SANBR: variants seen among roughly 807,000 people sequenced by gnomAD.
SANBR encodes SANT and BTB domain regulator of class switch recombination.
In SANBR, 77 loss-of-function variants were observed where a neutral mutation model predicts 101.8. The ratio of observed to expected loss-of-function variants is 0.76; its 90% CI spans 0.63 to 0.91. SANBR has a LOEUF of 0.91. Among genes scored for constraint, SANBR ranks in the 40% least tolerant of loss-of-function variants. SANBR has a pLI of 0.00. For missense variants in SANBR, 875 were observed against 853.0 expected, an observed-to-expected ratio of 1.03 and a Z score of -0.32; for synonymous variants, 279 against 274.7, an observed-to-expected ratio of 1.02 and a Z score of -0.15.
At chr2:61,075,154 A>G (rs1681700964) in intron 5 of SANBR, 1 of 152,322 alleles carries the variant, frequency 6.6e-6, no homozygotes, top group South Asian at 2.1e-4. Context: ...ACACAATTCA[A>G]TTAAATTCAT....
intron 6 of SANBR, among the ~76,000 whole-genome samples, chr2:61,079,661 G>C (rs1046477864): frequency 1.3e-5 from 2 of 152,180 alleles, no homozygotes; most frequent in African/African-American, 4.8e-5. Flanking sequence ...AAAATTATTC[G>C]ATTCATCATA....
intron 16 of SANBR, among the ~76,000 whole-genome samples, chr2:61,110,400 C>G (rs1326218712): frequency 6.6e-6 from 1 of 151,778 alleles, no homozygotes; most frequent in African/African-American, 2.4e-5. Flanking sequence ...AAAAATTAGG[C>G]CGGGCACGAT....
rs1573674004 is a variant in SANBR at position 61,122,770 on chromosome 2, T to C, written c.*608T>C. Reference sequence around the variant, plus strand: ...GCATTATATCGTGGAAAGTACAATGTTAATCCAACTTTTTTTTCTTTCAGT... The same window carrying C: ...GCATTATATCGTGGAAAGTACAATGCTAATCCAACTTTTTTTTCTTTCAGT... On this transcript the variant is annotated 3_prime_UTR_variant, in exon 22 of 22. Transcript: ENST00000402291. 1.0e-6 allele frequency: 1 copy of C among 985,254 alleles called. No individual in the cohort carries two copies. Among genetic ancestry groups the C allele is most frequent in the Non-Finnish European group, 1.2e-6 (1 of 829,784 alleles). The allele number at this position is 985,254 out of a possible 1,614,324, so 61.0% of individuals were successfully genotyped here. A position where few individuals can be genotyped will look rare whatever the true frequency, so the allele number is the denominator to read the frequency against.
In SANBR at chr2:61,081,511, G is replaced by A; in HGVS notation, c.729+1G>A. Reference sequence around the variant, plus strand: ...GGAGTTTTTAAAAATGGATTCACTAGTAAGTATTGACTTAAAAAAAATCAA... The same window carrying A: ...GGAGTTTTTAAAAATGGATTCACTAATAAGTATTGACTTAAAAAAAATCAA... On this transcript the variant is annotated splice_donor_variant, in intron 7 of 21. Coordinates refer to ENST00000402291, the MANE Select transcript of SANBR (RefSeq NM_001129993.3). LOFTEE classifies it high-confidence loss of function. The A allele has an allele frequency of 1.3e-6, 2 of 1,558,468 alleles. No individual in the cohort carries two copies. Among genetic ancestry groups the A allele is most frequent in the Non-Finnish European group, 1.7e-6 (2 of 1,157,524 alleles).
chr2:61,086,008 T>C (rs563956564), intron 8 of SANBR, among the ~76,000 whole-genome samples: 1 of 152,356 alleles, frequency 6.6e-6, no homozygotes, highest in African/African-American at 2.4e-5. Context: ...ATTCATGTAA[T>C]CTGTAGATCA....
chr2:61,104,558 G>A (rs576746451), intron 13 of SANBR, among the ~76,000 whole-genome samples: 2 of 152,054 alleles, frequency 1.3e-5, no homozygotes, highest in Admixed American at 1.3e-4. Flanking sequence ...GGTGATGAAT[G>A]AGGGTTCCCA....
At chr2:61,090,418 T>A (rs2104897583) in intron 10 of SANBR, 1 of 152,324 alleles carries the variant, frequency 6.6e-6, no homozygotes, top group African/African-American at 2.4e-5. Context: ...TTTTGTTGTT[T>A]TATTCAAAGT....
chr2:61,088,550 T>G, intron 10 of SANBR, 82 bp downstream of exon 10: 6 of 907,646 alleles, frequency 6.6e-6, no homozygotes, highest in Non-Finnish European at 9.5e-6. Flanking sequence ...GACGGAGTCT[T>G]ACTCTGTCAC....
chr2:61,108,450 T>C (rs1683675972), intron 15 of SANBR, 101 bp downstream of exon 15: 1 of 713,232 alleles, frequency 1.4e-6, no homozygotes, highest in East Asian at 3.0e-5. Flanking sequence ...CAAATTTTAG[T>C]TAAATGTACA....
chr2:61,078,778 C>T (rs891601978), intron 6 of SANBR, among the ~76,000 whole-genome samples: 2 of 151,996 alleles, frequency 1.3e-5, no homozygotes, highest in Admixed American at 1.3e-4. Context: ...GTGGCTCACA[C>T]TGGTAGTCCC....
At chr2:61,084,225 A>T (rs1411980803) in intron 8 of SANBR, among the ~76,000 whole-genome samples, 4 of 152,164 alleles carry the variant, frequency 2.6e-5, no homozygotes, top group Non-Finnish European at 5.9e-5. Flanking sequence ...AAGTGCTGGG[A>T]TTACAGGTGT....
chr2:61,073,560 C>CTGGT lies in SANBR; in HGVS notation c.431+12_431+15dup. 1 of 1,510,230 alleles carries CTGGT rather than the reference C, an allele frequency of 6.6e-7. No homozygotes were observed. Among genetic ancestry groups the CTGGT allele is most frequent in the Non-Finnish European group, 9.1e-7 (1 of 1,101,818 alleles). The allele number at this position is 1,510,230 out of a possible 1,614,324, so 93.6% of individuals were successfully genotyped here. On this transcript the variant is annotated intron_variant, in intron 5 of 21. Coordinates refer to ENST00000402291, the MANE Select transcript of SANBR (RefSeq NM_001129993.3). ...ACTGAAGAATCTGAAGGGTAGGCGG[C>CTGGT]TGGTTGTTTGCTAGATAAGATTAAA... is the stretch of plus-strand genomic sequence containing the variant.
chr2:61,076,337 G>C (rs534893620), intron 5 of SANBR, among the ~76,000 whole-genome samples: 1 of 149,814 alleles, frequency 6.7e-6, no homozygotes, highest in African/African-American at 2.4e-5. Context: ...AAATTTCAAG[G>C]CTGGGCGCGG....
intron 21 of SANBR, among the ~76,000 whole-genome samples, chr2:61,134,696 T>G (rs548953712): frequency 5.9e-5 from 9 of 151,896 alleles, no homozygotes; most frequent in South Asian, 2.1e-4. Flanking sequence ...ATTGAGACCA[T>G]CCTGGCCAAC....
intron 8 of SANBR, among the ~76,000 whole-genome samples, chr2:61,086,212 G>A (rs1004874002): frequency 1.3e-5 from 2 of 151,716 alleles, no homozygotes; most frequent in East Asian, 3.8e-4. Context: ...CACCCAAGCT[G>A]GAGGGTAGTG....
At chr2:61,115,165 G>A (rs1331732298) in intron 16 of SANBR, among the ~76,000 whole-genome samples, 5 of 152,046 alleles carry the variant, frequency 3.3e-5, no homozygotes. Flanking sequence ...AGCCATATGG[G>A]CCTGGAGCTT....
At position 61,119,024 on chromosome 2, in the gene SANBR, C is replaced by T. The variant is rs533529058; in HGVS notation, c.2028+908C>T. ...TCACACCAAGAGTAGGTTAACTGTG[C>T]GTTGTTGACCAAATGCTAACTATCC... is the stretch of plus-strand genomic sequence containing the variant. On this transcript the variant is annotated intron_variant, in intron 20 of 21. Transcript: ENST00000402291. Among the ~76,000 whole-genome samples the T allele has an allele frequency of 1.1e-4, 16 of 152,162 alleles. No individual in the cohort carries two copies. In the East Asian group the frequency reaches 1.9e-3, roughly 18 times the overall value.
intron 17 of SANBR, chr2:61,116,906 A>T (rs1341007992): frequency 3.1e-5 from 5 of 160,742 alleles, no homozygotes; most frequent in African/African-American, 9.6e-5. Flanking sequence ...AAAATACAAA[A>T]ATTAGCCAGG....
chr2:61,127,768 G>A (rs1684556463), downstream of SANBR, among the ~76,000 whole-genome samples: 2 of 152,042 alleles, frequency 1.3e-5, no homozygotes, highest in African/African-American at 4.8e-5. Context: ...ACATCTAATG[G>A]AAGTTCCAAA....
Sources: allele counts gnomAD v4.1 joint callset (sites outside exome capture counted in the v4.1 genomes callset), GRCh38; gene constraint gnomAD v4.1.1; transcripts MANE v1.5; gene names NCBI Gene and HGNC (gene_info 2026-07-23, HGNC 2026-07-21).